The following CCBE1 variants were observed in gnomAD, a reference collection of about 807,000 sequenced individuals.
CCBE1 encodes the protein collagen and calcium binding EGF domains 1, also known as collagen and calcium-binding EGF domain-containing protein 1.
A neutral mutation model predicts 50.0 loss-of-function variants in CCBE1; 37 were observed. The ratio of observed to expected loss-of-function variants is 0.74; its 90% CI spans 0.57 to 0.97. The LOEUF (loss-of-function observed/expected upper bound fraction) is 0.97. Ranked by LOEUF, CCBE1 falls within the 50% of genes least tolerant of loss-of-function variation. The probability of loss-of-function intolerance (pLI) is 0.00; values close to 1 mark genes in which losing one functional copy is unlikely to be tolerated. For missense variants in CCBE1, 538 were observed against 523.8 expected, an observed-to-expected ratio of 1.03 and a Z score of -0.26; for synonymous variants, 234 against 203.7, an observed-to-expected ratio of 1.15 and a Z score of -1.27.
intron 2 of CCBE1, among the ~76,000 whole-genome samples, chr18:59,525,670 C>T (rs564525866): frequency 2.6e-5 from 4 of 152,236 alleles, no homozygotes; most frequent in Admixed American, 1.3e-4. Context: ...TTTTCCTGTG[C>T]CTATGTCCTG....
chr18:59,559,837 A>T (rs940041726), intron 2 of CCBE1, among the ~76,000 whole-genome samples: 2 of 152,064 alleles, frequency 1.3e-5, no homozygotes, highest in African/African-American at 4.8e-5. Flanking sequence ...ATGCCTGAAG[A>T]TATTCTGGGG....
chr18:59,655,420 A>T (rs758069833), intron 2 of CCBE1, among the ~76,000 whole-genome samples: 2 of 152,160 alleles, frequency 1.3e-5, no homozygotes, highest in Non-Finnish European at 2.9e-5. Context: ...GAAACATGTC[A>T]AGTGTCATGA....
Position 59,651,208 on chromosome 18 carries a change from G to C in CCBE1, c.212+45421C>G, listed in dbSNP as rs1287753700. On this transcript the variant is annotated intron_variant, in intron 2 of 10. Coordinates refer to ENST00000439986, the MANE Select transcript of CCBE1 (RefSeq NM_133459.4). Reference sequence around the variant, plus strand: ...TCTCACCAATTACAATGTGTTCCAGGGAAAATACGTTCTACTTACTTAGGA... The same window carrying C: ...TCTCACCAATTACAATGTGTTCCAGCGAAAATACGTTCTACTTACTTAGGA... Among the ~76,000 whole-genome samples, 3 of 152,174 alleles carry C rather than the reference G, an allele frequency of 2.0e-5. No homozygotes were observed. The East Asian group carries it at 5.8e-4, about 29-fold the overall frequency.
intron 2 of CCBE1, among the ~76,000 whole-genome samples, chr18:59,578,604 A>G (rs1599030049): frequency 6.6e-6 from 1 of 152,368 alleles, no homozygotes; most frequent in Non-Finnish European, 1.5e-5. Context: ...ACACCGTAGA[A>G]TACTATGCAC....
chr18:59,674,310 G>A (rs1012593197), intron 2 of CCBE1, among the ~76,000 whole-genome samples: 3 of 152,174 alleles, frequency 2.0e-5, no homozygotes, highest in African/African-American at 7.2e-5. Flanking sequence ...AAAAGGATGA[G>A]TTCACGTCCT....
intron 2 of CCBE1, among the ~76,000 whole-genome samples, chr18:59,515,291 A>C (rs2144309697): frequency 6.6e-6 from 1 of 152,368 alleles, no homozygotes; most frequent in Non-Finnish European, 1.5e-5. Context: ...GCAATTGTTC[A>C]GGCATAAACA....
At chr18:59,455,174 C>T (rs1157563960) in intron 5 of CCBE1, 1 of 641,002 alleles carries the variant, frequency 1.6e-6, no homozygotes, top group East Asian at 2.9e-5. Context: ...AAGCTGGGCT[C>T]AGCTGTTCCT....
intron 2 of CCBE1, among the ~76,000 whole-genome samples, chr18:59,680,551 A>T (rs1019739619): frequency 3.3e-5 from 5 of 151,952 alleles, no homozygotes; most frequent in African/African-American, 1.2e-4. Context: ...ACAAAAAATT[A>T]GCCGGGCGTG....
At chr18:59,688,392 G>A (rs1040233103) in intron 2 of CCBE1, 2 of 152,284 alleles carry the variant, frequency 1.3e-5, no homozygotes, top group African/African-American at 4.8e-5. Flanking sequence ...GCTGCAGTGA[G>A]ATATGATTGC....
At chr18:59,457,517 C>G (rs988511055) in intron 5 of CCBE1, among the ~76,000 whole-genome samples, 1 of 152,162 alleles carries the variant, frequency 6.6e-6, no homozygotes, top group Non-Finnish European at 1.5e-5. Context: ...AGGTAATGCA[C>G]GGAAAGCTCT....
intron 2 of CCBE1, among the ~76,000 whole-genome samples, chr18:59,644,512 G>A (rs1176678214): frequency 1.3e-5 from 2 of 152,194 alleles, no homozygotes; most frequent in Non-Finnish European, 2.9e-5. Flanking sequence ...ACTGCAAAAT[G>A]ACAATTTTTT....
chr18:59,695,806 C>T (rs905272831), intron 2 of CCBE1, among the ~76,000 whole-genome samples: 1 of 152,226 alleles, frequency 6.6e-6, no homozygotes, highest in Non-Finnish European at 1.5e-5. Flanking sequence ...CATATGATCA[C>T]ATTACCTTGT....
rs1910091361 is a variant in CCBE1 at position 59,435,089 on chromosome 18, ATAT to A, written c.*816_*818del. The stretch of plus-strand genomic sequence containing the variant: ...CCACTGTTGATTAAACAGCTTTAAA[ATAT>A]TATAGCAAACGAGAGCCCATTGTTT... On this transcript the variant is annotated 3_prime_UTR_variant, in exon 11 of 11. Transcript: ENST00000439986. 1 of 152,238 alleles carries A rather than the reference ATAT, an allele frequency of 6.6e-6. No individual in the cohort carries two copies. The highest frequency in any genetic ancestry group is 2.4e-5 in the African/African-American group (1 of 41,450). The allele number at this position is 152,238 out of a possible 1,614,324, so 9.4% of individuals were successfully genotyped here. A position where few individuals can be genotyped will look rare whatever the true frequency, so the allele number is the denominator to read the frequency against.
chr18:59,612,636 A>G (rs967033054), intron 2 of CCBE1, among the ~76,000 whole-genome samples: 43 of 152,198 alleles, frequency 2.8e-4, no homozygotes, highest in Admixed American at 1.3e-4. Context: ...GCTGAAATAA[A>G]TTAGCCAAGA....
chr18:59,462,079 C>T (rs2143701716), intron 5 of CCBE1, among the ~76,000 whole-genome samples: 1 of 152,186 alleles, frequency 6.6e-6, no homozygotes, highest in African/African-American at 2.4e-5. Context: ...CAGTAAAGCT[C>T]AATGATATAA....
chr18:59,639,910 A>G (rs1309337345), intron 2 of CCBE1, among the ~76,000 whole-genome samples: 2 of 152,222 alleles, frequency 1.3e-5, no homozygotes, highest in Non-Finnish European at 2.9e-5. Context: ...GAAAAATAAT[A>G]CAATACCTAG....
chr18:59,453,251 C>T (rs889229595), intron 6 of CCBE1, among the ~76,000 whole-genome samples: 5 of 152,196 alleles, frequency 3.3e-5, no homozygotes, highest in African/African-American at 7.2e-5. Context: ...AGATATTGAT[C>T]GACTGCCTAA....
intron 2 of CCBE1, among the ~76,000 whole-genome samples, chr18:59,546,698 T>G (rs1260465705): frequency 1.3e-5 from 2 of 152,240 alleles, no homozygotes; most frequent in African/African-American, 4.8e-5. Flanking sequence ...ACATTATATC[T>G]GGTAAATATT....
chr18:59,491,504 T>C (rs1291629382), intron 2 of CCBE1, among the ~76,000 whole-genome samples: 1 of 152,218 alleles, frequency 6.6e-6, no homozygotes, highest in Non-Finnish European at 1.5e-5. Flanking sequence ...AAACATTATA[T>C]TTTGAAACTA....
Sources: allele counts gnomAD v4.1 joint callset (sites outside exome capture counted in the v4.1 genomes callset), GRCh38; gene constraint gnomAD v4.1.1; transcripts MANE v1.5; gene names NCBI Gene and HGNC (gene_info 2026-07-23, HGNC 2026-07-21).